Variants in PDZD2 observed in about 807,000 individuals in gnomAD.
The protein encoded by PDZD2 is PDZ domain containing 2.
Under a neutral mutation model 220.7 loss-of-function variants are expected in PDZD2, and 90 were observed. That is an observed-to-expected ratio of 0.41 (90% CI 0.34 to 0.49). The LOEUF (loss-of-function observed/expected upper bound fraction) is 0.49. Among genes scored for constraint, PDZD2 ranks in the 20% least tolerant of loss-of-function variants. The pLI is 0.28. For synonymous variants in PDZD2, 1,375 were observed against 1,450.5 expected, an observed-to-expected ratio of 0.95 and a Z score of 1.18; for missense variants, 3,174 against 3,608.5, an observed-to-expected ratio of 0.88 and a Z score of 3.08.
At position 32,020,291 on chromosome 5, in the gene PDZD2, C is replaced by G. The variant is rs1240538775; in HGVS notation, c.1407+9809C>G. On this transcript the variant is annotated intron_variant, in intron 6 of 24. Coordinates refer to ENST00000438447, the MANE Select transcript of PDZD2 (RefSeq NM_178140.4). ...GTGCTGGGATTACAGGCGTGAGCCA[C>G]CACCATGCCCAGCCAAAATAGAATA... Among the ~76,000 whole-genome samples the G allele has an allele frequency of 5.3e-5, 8 of 152,240 alleles. No individual in the cohort carries two copies. In the East Asian group the frequency reaches 1.5e-3, roughly 29 times the overall value.
chr5:31,924,459 A>G (rs1198886206), intron 2 of PDZD2, among the ~76,000 whole-genome samples: 2 of 152,164 alleles, frequency 1.3e-5, no homozygotes, highest in African/African-American at 4.8e-5. Context: ...CTGAAGACGC[A>G]CTTCTTCTGA....
intron 2 of PDZD2, among the ~76,000 whole-genome samples, chr5:31,917,250 A>G (rs1410685138): frequency 6.6e-6 from 1 of 152,222 alleles, no homozygotes; most frequent in African/African-American, 2.4e-5. Context: ...TAAGAAGGAA[A>G]TAAAAAGTGA....
Position 31,639,567 on chromosome 5 carries a change from G to C in PDZD2, c.-361+130G>C, listed in dbSNP as rs1744856121. The C allele has an allele frequency of 6.6e-6, 1 of 152,194 alleles. No homozygotes were observed. Among genetic ancestry groups the C allele is most frequent in the Non-Finnish European group, 1.5e-5 (1 of 68,036 alleles). The allele number at this position is 152,194 out of a possible 1,614,324, so 9.4% of individuals were successfully genotyped here. A position where few individuals can be genotyped will look rare whatever the true frequency, so the allele number is the denominator to read the frequency against. On this transcript the variant is annotated intron_variant, in intron 1 of 24. Transcript: ENST00000438447. The surrounding 1 kb of genome is among the most constrained non-coding windows in gnomAD (Gnocchi z 4.1). ...TACAAATCCGGGTGCGGGAATCCCA[G>C]CCCTGGCAGGGCGGGGAGTGAGGAC...
Position 32,087,062 on chromosome 5 carries a change from A to G in PDZD2, c.3683-69A>G. On this transcript the variant is annotated intron_variant, in intron 19 of 24. Coordinates refer to ENST00000438447, the MANE Select transcript of PDZD2 (RefSeq NM_178140.4). The surrounding 1 kb of genome is among the most constrained non-coding windows in gnomAD (Gnocchi z 4.0). Reference sequence around the variant, plus strand: ...TTAATAATTGAGGGGCTGCTTTCTTATATTATCCCTTTTATCTCCCCTACA... The same window carrying G: ...TTAATAATTGAGGGGCTGCTTTCTTGTATTATCCCTTTTATCTCCCCTACA... 2.5e-6 allele frequency: 2 copies of G among 809,080 alleles called. No homozygotes were observed. The highest frequency in any genetic ancestry group is 5.0e-5 in the East Asian group (2 of 40,000). 50.1% of individuals were successfully genotyped at this position (809,080 alleles called of 1,614,324 possible).
At chr5:31,872,782 GTA>G (rs1305135398) in intron 2 of PDZD2, among the ~76,000 whole-genome samples, 1 of 151,108 alleles carries the variant, frequency 6.6e-6, no homozygotes, top group Non-Finnish European at 1.5e-5. Context: ...ATACGTGTGT[GTA>G]TGTGTGTGTG....
At chr5:31,903,151 G>A (rs941632529) in intron 2 of PDZD2, among the ~76,000 whole-genome samples, 1 of 151,726 alleles carries the variant, frequency 6.6e-6, no homozygotes, top group Non-Finnish European at 1.5e-5. Context: ...AAAATTAGCC[G>A]GGCGTGGTAC....
At chr5:31,694,949 C>T (rs950455773) in intron 1 of PDZD2, among the ~76,000 whole-genome samples, 4 of 151,916 alleles carry the variant, frequency 2.6e-5, no homozygotes, top group African/African-American at 9.7e-5. Flanking sequence ...TATGGTGACA[C>T]CTCGTCTCTA....
chr5:31,980,248 C>T (rs1225007320), intron 2 of PDZD2, among the ~76,000 whole-genome samples: 1 of 152,182 alleles, frequency 6.6e-6, no homozygotes, highest in South Asian at 2.1e-4. Context: ...CTTTCTGTCT[C>T]TATGGATTTG....
At chr5:31,683,656 G>C (rs1465173142) in intron 1 of PDZD2, among the ~76,000 whole-genome samples, 1 of 152,098 alleles carries the variant, frequency 6.6e-6, no homozygotes, top group African/African-American at 2.4e-5. Context: ...TGCATTTTTT[G>C]TATCCTCTGC....
intron 6 of PDZD2, among the ~76,000 whole-genome samples, chr5:32,024,832 C>T (rs1343779700): frequency 6.6e-6 from 1 of 152,224 alleles, no homozygotes; most frequent in Non-Finnish European, 1.5e-5. Flanking sequence ...GCCAAACAGT[C>T]TTTGTTTCAA....
chr5:31,725,725 C>T (rs1749083105), intron 1 of PDZD2: 1 of 878,662 alleles, frequency 1.1e-6, no homozygotes, highest in East Asian at 2.4e-5. Context: ...GAGATGCAGG[C>T]CTGCAACGTG....
chr5:31,997,383 CT>C (rs1751719961), intron 4 of PDZD2, among the ~76,000 whole-genome samples: 1 of 151,992 alleles, frequency 6.6e-6, no homozygotes. Flanking sequence ...CTCATCAGTT[CT>C]TTTATTACAG....
chr5:32,037,185 C>A, intron 6 of PDZD2, 46 bp from the exon 7 acceptor site: 6 of 1,222,144 alleles, frequency 4.9e-6, no homozygotes, highest in Non-Finnish European at 7.3e-6. Context: ...CATAAGTCAT[C>A]GCAGGGCTGG....
Position 31,983,557 on chromosome 5 carries a change from A to G in PDZD2, c.879A>G (p.Arg293=), listed in dbSNP as rs776177545. Residue 293 remains arginine, a synonymous_variant, in exon 3 of 25, where the codon AGA becomes AGG. Coordinates refer to ENST00000438447, the MANE Select transcript of PDZD2 (RefSeq NM_178140.4). The part of the protein sequence containing the change: ...RSEVDRGTEH[R]IPKTDAPLTT... ...AAGTGGACAGAGGGACAGAGCATAG[A>G]ATTCCAAAGACAGATGCTCCTCTGA... The G allele has an allele frequency of 1.9e-6, 3 of 1,614,192 alleles. No individual in the cohort carries two copies. Among genetic ancestry groups the G allele is most frequent in the Non-Finnish European group, 8.5e-7 (1 of 1,180,012 alleles).
chr5:31,799,684 A>T lies in PDZD2; in HGVS notation c.436A>T (p.Asn146Tyr). The change falls in exon 2 of 25, where the codon AAT (asparagine) becomes TAT (tyrosine). Residue 146 changes from asparagine (N) to tyrosine (Y), a missense_variant. Asn to Tyr is a moderately radical substitution (Grantham distance 143, BLOSUM62 -2). Coordinates refer to ENST00000438447, the MANE Select transcript of PDZD2 (RefSeq NM_178140.4). The part of the protein sequence containing the change: ...VRLRDEILSL[N>Y]GQLMVGVDVS... ...ACTGCGGGATGAGATCCTCTCACTG[A>T]ATGGGCAGCTGATGGTTGGAGTTGA... The T allele has an allele frequency of 6.2e-7, 1 of 1,613,926 alleles. No individual in the cohort carries two copies. Among genetic ancestry groups the T allele is most frequent in the South Asian group, 1.1e-5 (1 of 91,062 alleles).
Position 32,052,634 on chromosome 5 carries a change from T to C in PDZD2, c.1689T>C (p.Ser563=), listed in dbSNP as rs1167946060. Residue 563 remains serine (S), a synonymous_variant, in exon 9 of 25, where the codon TCT becomes TCC. Transcript: ENST00000438447. ...ASQEYHIVKK[S]TRSLSTTQVE... ...AGGAATACCACATTGTGAAGAAGTC[T>C]ACCCGCTCCTTAAGCACGACTCAGG... The C allele has an allele frequency of 3.1e-6, 5 of 1,613,448 alleles. No individual in the cohort carries two copies. The highest frequency in any genetic ancestry group is 1.3e-5 in the African/African-American group (1 of 74,924).
rs144231694 is a variant in PDZD2, at chr5:32,021,357, C to T, written c.1407+10875C>T. On this transcript the variant is annotated intron_variant, in intron 6 of 24. Transcript: ENST00000438447. ...TCGGCTCACTGCAACCTCTGCCTCC[C>T]GGGTTTAAGCAATTCTCTTGTCTCA... Among the ~76,000 whole-genome samples the T allele has an allele frequency of 1.8e-4, 28 of 152,118 alleles. No individual in the cohort carries two copies. In the East Asian group the frequency reaches 2.5e-3, roughly 14 times the overall value.
chr5:31,944,824 C>T (rs1746493441), intron 2 of PDZD2, among the ~76,000 whole-genome samples: 1 of 152,226 alleles, frequency 6.6e-6, no homozygotes, highest in Admixed American at 6.5e-5. Flanking sequence ...CGCTTCCTGG[C>T]CTCATGGCCC....
intron 2 of PDZD2, among the ~76,000 whole-genome samples, chr5:31,880,098 T>A (rs562892054): frequency 6.6e-6 from 1 of 151,790 alleles, no homozygotes; most frequent in South Asian, 2.1e-4. Context: ...TTTTGTATTT[T>A]TTTTTAGTAG....
Sources: allele counts gnomAD v4.1 joint callset (sites outside exome capture counted in the v4.1 genomes callset), GRCh38; gene constraint gnomAD v4.1.1; non-coding constraint Gnocchi (gnomAD v3.1); transcripts MANE v1.5; gene names NCBI Gene and HGNC (gene_info 2026-07-23, HGNC 2026-07-21).